ATP2A2: variants seen among roughly 807,000 people sequenced by gnomAD.
ATP2A2 encodes ATPase sarcoplasmic/endoplasmic reticulum Ca2+ transporting 2.
A neutral mutation model predicts 109.3 loss-of-function variants in ATP2A2; 14 were observed. The observed-to-expected ratio is 0.13, with a 90% CI of 0.08 to 0.20. The LOEUF is 0.20. Among genes scored for constraint, ATP2A2 ranks in the 10% least tolerant of loss-of-function variants. ATP2A2 has a pLI of 1.00. For missense variants in ATP2A2, 657 were observed against 1,321.6 expected (o/e 0.50, Z 7.80); for synonymous variants, 506 against 490.9 (o/e 1.03, Z -0.41).
intron 5 of ATP2A2, among the ~76,000 whole-genome samples, chr12:110,315,958 G>T (rs775424235): frequency 6.6e-6 from 1 of 151,970 alleles, no homozygotes; most frequent in Non-Finnish European, 1.5e-5. Flanking sequence ...GTGGTGGTGG[G>T]CACCTGTAAT....
intron 4 of ATP2A2, among the ~76,000 whole-genome samples, chr12:110,294,142 CA>C (rs1440825387): frequency 6.6e-6 from 1 of 151,884 alleles, no homozygotes; most frequent in African/African-American, 2.4e-5. Flanking sequence ...CTCCCGGGCT[CA>C]CGCCATTCTC....
intron 18 of ATP2A2, 30 bp downstream of exon 18, chr12:110,345,412 G>T (rs79155063): frequency 1.2e-5 from 20 of 1,613,910 alleles, no homozygotes; most frequent in Admixed American, 8.3e-5. Flanking sequence ...AGGCTGAGGC[G>T]AGCATGGTGA....
chr12:110,309,077 A>G (rs1343440368), intron 5 of ATP2A2, among the ~76,000 whole-genome samples: 4 of 151,160 alleles, frequency 2.6e-5, no homozygotes, highest in Non-Finnish European at 4.4e-5. Context: ...TGAACTTTTC[A>G]AAGACTAAGC....
At chr12:110,289,751 C>G (rs902025348) in intron 3 of ATP2A2, among the ~76,000 whole-genome samples, 16 of 151,862 alleles carry the variant, frequency 1.1e-4, no homozygotes, top group Non-Finnish European at 2.4e-4. Flanking sequence ...AAAAAAAATT[C>G]GACCTCCAAG....
chr12:110,346,067 C>T lies in ATP2A2; in HGVS notation c.2808C>T (p.Ile936=). 6.2e-7 allele frequency: 1 copy of T among 1,614,208 alleles called. No individual in the cohort carries two copies. The highest frequency in any genetic ancestry group is 8.5e-7 in the Non-Finnish European group (1 of 1,180,036). Residue 936 remains isoleucine, a synonymous_variant, in exon 19 of 20, where the codon ATC becomes ATT. Coordinates refer to ENST00000539276, the MANE Select transcript of ATP2A2 (RefSeq NM_170665.4). ...PWENIWLVGS[I]CLSMSLHFLI... is the part of the protein sequence containing the mutation. The stretch of plus-strand genomic sequence containing the variant: ...AGAACATCTGGCTCGTGGGCTCCAT[C>T]TGCCTGTCCATGTCACTCCACTTCC...
intron 5 of ATP2A2, among the ~76,000 whole-genome samples, chr12:110,314,336 GAAAA>G (rs398055936): frequency 1.6e-5 from 2 of 122,570 alleles, no homozygotes; most frequent in Admixed American, 8.2e-5. Flanking sequence ...CTCAAAAAAA[GAAAA>G]AAAAAAAAAA....
At chr12:110,300,264 C>T (rs1180485421) in intron 5 of ATP2A2, among the ~76,000 whole-genome samples, 3 of 143,792 alleles carry the variant, frequency 2.1e-5, no homozygotes, top group African/African-American at 5.2e-5. Flanking sequence ...GTGATCACTG[C>T]GACCTCGAAC....
intron 15 of ATP2A2, 60 bp from the exon 16 acceptor site, chr12:110,343,172 T>A (rs1428392775): frequency 1.3e-6 from 2 of 1,563,930 alleles, no homozygotes; most frequent in African/African-American, 1.4e-5. Context: ...ATGATGCTCT[T>A]TAAATAGTGG....
chr12:110,326,715 T>C (rs1877840784), intron 7 of ATP2A2, among the ~76,000 whole-genome samples: 1 of 152,166 alleles, frequency 6.6e-6, no homozygotes, highest in African/African-American at 2.4e-5. Flanking sequence ...AACTCTTACC[T>C]GCAAACATAG....
At chr12:110,284,283 C>A (rs552089520) in intron 3 of ATP2A2, among the ~76,000 whole-genome samples, 4 of 152,248 alleles carry the variant, frequency 2.6e-5, no homozygotes, top group Admixed American at 2.6e-4. Context: ...ATAAATGATA[C>A]ATTTGGAGCT....
At chr12:110,326,143 C>G (rs1044066451) in intron 6 of ATP2A2, 20 of 536,660 alleles carry the variant, frequency 3.7e-5, no homozygotes, top group Admixed American at 1.6e-4. Context: ...AATGGGGATT[C>G]TACTTGAAAA....
At chr12:110,310,302 G>A (rs1013085259) in intron 5 of ATP2A2, among the ~76,000 whole-genome samples, 1 of 150,194 alleles carries the variant, frequency 6.7e-6, no homozygotes, top group African/African-American at 2.5e-5. Flanking sequence ...TTTGTGGGAT[G>A]TTTTTTTGAG....
Position 110,340,856 on chromosome 12 carries a change from A to G in ATP2A2, c.1959A>G (p.Thr653=). Residue 653 remains threonine, a synonymous_variant, in exon 14 of 20, where the codon ACA becomes ACG. Coordinates refer to ENST00000539276, the MANE Select transcript of ATP2A2 (RefSeq NM_170665.4). The surrounding 1 kb of genome is among the most constrained non-coding windows in gnomAD (Gnocchi z 6.0). ...AGGACGTGACGTCAAAAGCTTTCACAGGCCGGGAGTTTGATGAACTCAACC... is the reference window on the plus strand; with the variant it reads ...AGGACGTGACGTCAAAAGCTTTCACGGGCCGGGAGTTTGATGAACTCAACC... ...QDEDVTSKAF[T]GREFDELNPS... is the part of the protein sequence containing the mutation. The G allele has an allele frequency of 1.2e-6, 2 of 1,614,248 alleles. No individual in the cohort carries two copies. Among genetic ancestry groups the G allele is most frequent in the Non-Finnish European group, 1.7e-6 (2 of 1,180,046 alleles).
chr12:110,295,592 T>C (rs1873881761), intron 4 of ATP2A2, among the ~76,000 whole-genome samples: 1 of 152,226 alleles, frequency 6.6e-6, no homozygotes, highest in Admixed American at 6.5e-5. Context: ...AAATTAACTT[T>C]ATCATGAATT....
At chr12:110,301,038 T>C (rs1874574650) in intron 5 of ATP2A2, among the ~76,000 whole-genome samples, 1 of 152,148 alleles carries the variant, frequency 6.6e-6, no homozygotes, top group Non-Finnish European at 1.5e-5. Context: ...TGTTTAATTT[T>C]TTTAAAAAAA....
intron 5 of ATP2A2, among the ~76,000 whole-genome samples, chr12:110,322,446 C>T (rs934370002): frequency 1.3e-5 from 2 of 151,670 alleles, no homozygotes; most frequent in African/African-American, 2.4e-5. Flanking sequence ...CTGATCTCTA[C>T]ATCCTGGGTG....
At chr12:110,338,032 C>G (rs184621576) in intron 11 of ATP2A2, among the ~76,000 whole-genome samples, 2 of 152,350 alleles carry the variant, frequency 1.3e-5, no homozygotes, top group East Asian at 3.9e-4. Context: ...CTCGCTCCCT[C>G]TTTGAAGCAC....
intron 5 of ATP2A2, among the ~76,000 whole-genome samples, chr12:110,305,101 T>A (rs1592815362): frequency 6.6e-6 from 1 of 152,054 alleles, no homozygotes; most frequent in Non-Finnish European, 1.5e-5. Flanking sequence ...ACTCAGCTAA[T>A]TTTTGTATTT....
At chr12:110,289,255 C>T (rs1873002806) in intron 3 of ATP2A2, among the ~76,000 whole-genome samples, 1 of 152,202 alleles carries the variant, frequency 6.6e-6, no homozygotes, top group East Asian at 1.9e-4. Flanking sequence ...CATAGTTACT[C>T]TTCAAGTTGA....
Sources: allele counts gnomAD v4.1 joint callset (sites outside exome capture counted in the v4.1 genomes callset), GRCh38; gene constraint gnomAD v4.1.1; non-coding constraint Gnocchi (gnomAD v3.1); transcripts MANE v1.5; gene names NCBI Gene and HGNC (gene_info 2026-07-23, HGNC 2026-07-21).